The following TRIP11 variants were observed in gnomAD, a reference collection of about 807,000 sequenced individuals.
TRIP11 encodes thyroid hormone receptor interactor 11.
A neutral mutation model predicts 223.1 loss-of-function variants in TRIP11; 148 were observed. The observed-to-expected ratio is 0.66, with a 90% CI of 0.58 to 0.76. The LOEUF (loss-of-function observed/expected upper bound fraction) is 0.76. TRIP11 is among the 30% of genes least tolerant of loss of function. The pLI, the probability that TRIP11 is intolerant of heterozygous loss-of-function variation, is 0.00. For synonymous variants in TRIP11, 762 were observed against 772.6 expected, an observed-to-expected ratio of 0.99 and a Z score of 0.23; for missense variants, 2,043 against 2,222.0, an observed-to-expected ratio of 0.92 and a Z score of 1.62.
At chr14:91,989,457 T>A (rs1016194726) in intron 15 of TRIP11, among the ~76,000 whole-genome samples, 1 of 151,414 alleles carries the variant, frequency 6.6e-6, no homozygotes, top group African/African-American at 2.4e-5. Context: ...TGGGCTCTAT[T>A]TCTGGATTCT....
rs2140108430 is a variant in TRIP11, at chr14:91,997,787, G to A, written c.4892+1453C>T. Among the ~76,000 whole-genome samples, 5 of 152,122 alleles carry A rather than the reference G, an allele frequency of 3.3e-5. 2 individuals are homozygous for A. In the Middle Eastern group the frequency reaches 0.01, roughly 310 times the overall value. On this transcript the variant is annotated intron_variant, in intron 13 of 20. Coordinates refer to ENST00000267622, the MANE Select transcript of TRIP11 (RefSeq NM_004239.4). ...TGGGACCATCCTTGAGTCAAGACCA[G>A]TTTTTGAAAAAAGGAGTAAAAAGAT...
At chr14:92,025,739 G>T (rs1023688410) in intron 2 of TRIP11, among the ~76,000 whole-genome samples, 4 of 152,036 alleles carry the variant, frequency 2.6e-5, no homozygotes, top group African/African-American at 9.7e-5. Flanking sequence ...AATTAGACGG[G>T]CGTGGTGGCG....
At position 92,004,359 on chromosome 14, in the gene TRIP11, T is replaced by G; in HGVS notation, c.3617A>C (p.Glu1206Ala). 6.2e-7 allele frequency: 1 copy of G among 1,614,136 alleles called. No individual in the cohort carries two copies. ...AGGVNSNQFE[E>A]LLQERDKLKQ... The stretch of plus-strand genomic sequence containing the variant: ...TAACTTGTCACGTTCCTGTAGAAGC[T>G]CCTCAAATTGATTACTATTAACACC... The change falls in exon 11 of 21, where the codon GAG becomes GCG. Residue 1206 changes from glutamate (E) to alanine (A), a missense_variant. Glu to Ala is a moderately radical substitution (Grantham distance 107). Coordinates refer to ENST00000267622, the MANE Select transcript of TRIP11 (RefSeq NM_004239.4).
chr14:91,993,949 A>G (rs2056714706), intron 14 of TRIP11, 37 bp from the exon 15 acceptor site: 1 of 1,501,856 alleles, frequency 6.7e-7, no homozygotes, highest in South Asian at 1.1e-5. Context: ...GTATTTTGCA[A>G]TCGTGTGTTA....
chr14:91,976,826 T>G (rs1178668798), intron 16 of TRIP11, among the ~76,000 whole-genome samples: 3 of 152,118 alleles, frequency 2.0e-5, no homozygotes, highest in Non-Finnish European at 2.9e-5. Context: ...GGAAGCAAAA[T>G]CCATAAAATC....
intron 9 of TRIP11, among the ~76,000 whole-genome samples, chr14:92,009,102 T>C (rs1404162251): frequency 6.6e-6 from 1 of 152,230 alleles, no homozygotes; most frequent in Non-Finnish European, 1.5e-5. Flanking sequence ...TCTTAAGTCT[T>C]TCTAAAGTTA....
intron 15 of TRIP11, 96 bp downstream of exon 15, chr14:91,993,713 A>C (rs1432546386): frequency 9.8e-7 from 1 of 1,021,556 alleles, no homozygotes; most frequent in Admixed American, 2.1e-5. Flanking sequence ...AAATTTACTA[A>C]ATGAACAGTT....
intron 2 of TRIP11, chr14:92,026,805 C>A: frequency 7.5e-7 from 1 of 1,325,680 alleles, no homozygotes; most frequent in South Asian, 1.2e-5. Context: ...GAAGCTGAGT[C>A]AGCTACCGGC....
intron 20 of TRIP11, among the ~76,000 whole-genome samples, chr14:91,970,136 G>A (rs753525666): frequency 1.4e-4 from 21 of 152,226 alleles, no homozygotes; most frequent in Non-Finnish European, 2.9e-4. Flanking sequence ...GCCAGGCGCG[G>A]TGGCTCATGC....
intron 2 of TRIP11, among the ~76,000 whole-genome samples, chr14:92,028,086 G>A (rs17807271): frequency 0.26 from 39,526 of 152,062 alleles, 5,599 homozygotes; most frequent in Admixed American, 0.36. Flanking sequence ...ATAACTCAGC[G>A]ATATAATATA....
chr14:92,029,280 A>ATTATT lies in TRIP11; in HGVS notation c.202-3861_202-3860insAATAA, dbSNP rs2057230210. Reference sequence around the variant, plus strand: ...TTCTGACTGCATTGCCCAAAGTATTATTTTTTTTTTTTTTTTTTTTTTTTT... The same window carrying ATTATT: ...TTCTGACTGCATTGCCCAAAGTATTATTATTTTTTTTTTTTTTTTTTTTTTTTTTT... On this transcript the variant is annotated intron_variant, in intron 2 of 20. Coordinates refer to ENST00000267622, the MANE Select transcript of TRIP11 (RefSeq NM_004239.4). Among the ~76,000 whole-genome samples, 28 of 76,796 alleles carry ATTATT rather than the reference A, an allele frequency of 3.6e-4. 1 individual carries two copies. Among genetic ancestry groups the ATTATT allele is most frequent in the African/African-American group, 1.6e-3 (27 of 17,294 alleles). 50.4% of individuals were successfully genotyped at this position (76,796 alleles called of 152,430 possible). A position where few individuals can be genotyped will look rare whatever the true frequency, so the allele number is the denominator to read the frequency against.
chr14:92,040,010 C>A lies in TRIP11; in HGVS notation c.-325G>T. 2.3e-6 allele frequency: 1 copy of A among 439,666 alleles called. No individual in the cohort carries two copies. The highest frequency in any genetic ancestry group is 4.2e-6 in the Non-Finnish European group (1 of 236,586). The allele number at this position is 439,666 out of a possible 1,614,324, so 27.2% of individuals were successfully genotyped here. A position where few individuals can be genotyped will look rare whatever the true frequency, so the allele number is the denominator to read the frequency against. ...CCTCAGTTCCGTGGGTTACTCCTGC[C>A]AACTCGACGCCGGCCGCCATGACAC... On this transcript the variant is annotated 5_prime_UTR_variant, in exon 1 of 21. Coordinates refer to ENST00000267622, the MANE Select transcript of TRIP11 (RefSeq NM_004239.4).
chr14:92,005,235 T>G lies in TRIP11; in HGVS notation c.2741A>C (p.His914Pro), dbSNP rs147530260. 52 of 1,614,088 alleles carry G rather than the reference T, an allele frequency of 3.2e-5. No individual in the cohort carries two copies. Among genetic ancestry groups the G allele is most frequent in the Non-Finnish European group, 3.9e-5 (46 of 1,180,042 alleles). The change falls in exon 11 of 21, where the codon CAT (histidine) becomes CCT (proline). Residue 914 changes from histidine to proline, a missense_variant. Coordinates refer to ENST00000267622, the MANE Select transcript of TRIP11 (RefSeq NM_004239.4). ...TTGATCTTCAATTATCTTTTGATGATGTTTAATTTCCTCTTCAAGATGTTC... is the reference window on the plus strand; with the variant it reads ...TTGATCTTCAATTATCTTTTGATGAGGTTTAATTTCCTCTTCAAGATGTTC... ...IKEHLEEEIK[H>P]HQKIIEDQNQ...
chr14:92,027,298 A>G (rs1439219036), intron 2 of TRIP11, among the ~76,000 whole-genome samples: 2 of 151,666 alleles, frequency 1.3e-5, no homozygotes, highest in Admixed American at 6.6e-5. Flanking sequence ...CTCAAAGCAG[A>G]AAAAAAACCT....
rs144920623 is a variant in TRIP11 at position 92,004,307 on chromosome 14, C to T, written c.3669G>A (p.Glu1223=). 7.4e-6 allele frequency: 12 copies of T among 1,614,008 alleles called. No homozygotes were observed. Among genetic ancestry groups the T allele is most frequent in the Non-Finnish European group, 6.8e-6 (8 of 1,180,030 alleles). ...KLKQQVKKME[E]WKQQVMTTVQ... ...CTGTGGTCATCACCTGCTGCTTCCA[C>T]TCTTCCATTTTCTTTACTTGCTGTT... The change falls in exon 11 of 21, where the codon GAG becomes GAA. Residue 1223 remains glutamate (E), a synonymous_variant. Transcript: ENST00000267622.
chr14:92,015,915 G>T, intron 5 of TRIP11, 54 bp from the exon 6 acceptor site: 1 of 1,464,910 alleles, frequency 6.8e-7, no homozygotes, highest in Non-Finnish European at 9.3e-7. Flanking sequence ...ATTTATGTAA[G>T]CTATATATTT....
rs1425149648 is a variant in TRIP11, at chr14:91,966,989, G to A, written c.*2684C>T. ...ATGCTTCATCACTGGTTACTAAGACGGTTCAGTGAGCAGGTGGTTCATCTC... is the reference window on the plus strand; with the variant it reads ...ATGCTTCATCACTGGTTACTAAGACAGTTCAGTGAGCAGGTGGTTCATCTC... On this transcript the variant is annotated 3_prime_UTR_variant, in exon 21 of 21. Coordinates refer to ENST00000267622, the MANE Select transcript of TRIP11 (RefSeq NM_004239.4). The A allele has an allele frequency of 2.0e-5, 4 of 199,474 alleles. No homozygotes were observed. The highest frequency in any genetic ancestry group is 6.0e-5 in the Admixed American group (1 of 16,608). The allele number at this position is 199,474 out of a possible 1,614,324, so 12.4% of individuals were successfully genotyped here.
intron 9 of TRIP11, among the ~76,000 whole-genome samples, chr14:92,010,655 T>C (rs1386241005): frequency 1.3e-5 from 2 of 152,104 alleles, no homozygotes; most frequent in African/African-American, 4.8e-5. Context: ...TATACAGTTA[T>C]TACAGTATGC....
intron 1 of TRIP11, among the ~76,000 whole-genome samples, chr14:92,038,535 C>G (rs2057348155): frequency 2.0e-5 from 3 of 151,932 alleles, no homozygotes; most frequent in Non-Finnish European, 4.4e-5. Flanking sequence ...TAAATAGACC[C>G]CACAGAAATT....
Sources: gnomAD v4.1 joint callset for allele counts (sites outside exome capture counted in the v4.1 genomes callset) on GRCh38, gnomAD v4.1.1 for gene constraint, MANE v1.5 for transcripts, NCBI Gene and HGNC (gene_info 2026-07-23, HGNC 2026-07-21) for gene names.